The following GPD2 variants were observed in gnomAD, a reference collection of about 807,000 sequenced individuals.
The protein encoded by GPD2 is glycerol-3-phosphate dehydrogenase, mitochondrial.
In GPD2, 54 loss-of-function variants were observed where a neutral mutation model predicts 82.4. The observed-to-expected ratio is 0.66, with a 90% CI of 0.53 to 0.82. The LOEUF (loss-of-function observed/expected upper bound fraction) is 0.82. Among genes scored for constraint, GPD2 ranks in the 40% least tolerant of loss-of-function variants. The probability of loss-of-function intolerance (pLI) is 0.00; values close to 1 mark genes in which losing one functional copy is unlikely to be tolerated. For missense variants in GPD2, 748 were observed against 896.2 expected (o/e 0.83, Z 2.11); for synonymous variants, 288 against 306.1 (o/e 0.94, Z 0.62).
intron 1 of GPD2, among the ~76,000 whole-genome samples, chr2:156,457,677 A>G (rs1413418378): frequency 6.6e-6 from 1 of 152,190 alleles, no homozygotes; most frequent in Non-Finnish European, 1.5e-5. Flanking sequence ...TTCAGAACAA[A>G]GTGCTGGTTA....
chr2:156,494,400 G>C (rs1027683345), intron 2 of GPD2, among the ~76,000 whole-genome samples: 5 of 152,188 alleles, frequency 3.3e-5, no homozygotes, highest in African/African-American at 7.2e-5. Context: ...GAAGAAACCA[G>C]AGATAATGAG....
chr2:156,574,626 G>A (rs1687752309), intron 13 of GPD2, among the ~76,000 whole-genome samples: 2 of 151,880 alleles, frequency 1.3e-5, no homozygotes, highest in South Asian at 4.2e-4. Flanking sequence ...CAATGAGGAG[G>A]AAAAATGGGA....
intron 1 of GPD2, among the ~76,000 whole-genome samples, chr2:156,459,115 G>A (rs1682890066): frequency 6.6e-6 from 1 of 152,090 alleles, no homozygotes; most frequent in Admixed American, 6.5e-5. Flanking sequence ...TATCCAGAGT[G>A]TACTTAACTC....
In GPD2 at chr2:156,476,081, C is replaced by G; in HGVS notation, c.-8-17C>G. The G allele has an allele frequency of 7.5e-7, 1 of 1,332,244 alleles. No individual in the cohort carries two copies. The highest frequency in any genetic ancestry group is 1.1e-6 in the Non-Finnish European group (1 of 923,574). 82.5% of individuals were successfully genotyped at this position (1,332,244 alleles called of 1,614,324 possible). On this transcript the variant is annotated splice_polypyrimidine_tract_variant and intron_variant, in intron 1 of 16. Transcript: ENST00000438166. The stretch of plus-strand genomic sequence containing the variant: ...TATCCCAATTAACTTCTTTTTGTTT[C>G]TTATTTTTCTTTGTAGGCTAAGAAA...
intron 9 of GPD2, among the ~76,000 whole-genome samples, chr2:156,561,040 C>CT (rs35948070): frequency 0.38 from 10,282 of 27,068 alleles, 3,713 homozygotes; most frequent in South Asian, 0.45. Flanking sequence ...TGACATTAAG[C>CT]TTTTTTTTTT....
intron 1 of GPD2, among the ~76,000 whole-genome samples, chr2:156,474,951 A>G (rs1683453835): frequency 6.6e-6 from 1 of 151,258 alleles, no homozygotes. Flanking sequence ...AAAAAAAAAA[A>G]GAAGAAGAAA....
intron 8 of GPD2, among the ~76,000 whole-genome samples, chr2:156,553,561 T>C (rs1686848347): frequency 6.6e-6 from 1 of 152,120 alleles, no homozygotes; most frequent in African/African-American, 2.4e-5. Context: ...AATAGAAATA[T>C]GAAAATGAAA....
At chr2:156,482,249 G>A (rs1211701853) in intron 2 of GPD2, among the ~76,000 whole-genome samples, 1 of 152,182 alleles carries the variant, frequency 6.6e-6, no homozygotes, top group African/African-American at 2.4e-5. Context: ...TCAAAGACAG[G>A]TGTACCAACA....
intron 16 of GPD2, among the ~76,000 whole-genome samples, chr2:156,580,500 G>A (rs1489218402): frequency 6.6e-6 from 1 of 152,120 alleles, no homozygotes; most frequent in East Asian, 1.9e-4. Flanking sequence ...ATATGACTCT[G>A]ATCATATGAA....
At chr2:156,401,030 G>A in the GPD2 span, among the ~76,000 whole-genome samples, 1 of 152,196 alleles carries the variant, frequency 6.6e-6, no homozygotes, top group Non-Finnish European at 1.5e-5. Context: ...GTGAAATAGG[G>A]AATTGGCTTT....
chr2:156,552,888 T>C (rs944205790), intron 8 of GPD2, among the ~76,000 whole-genome samples: 1 of 150,332 alleles, frequency 6.7e-6, no homozygotes, highest in African/African-American at 2.5e-5. Flanking sequence ...TTCTGGTTCC[T>C]TATATCTTTT....
At chr2:156,462,453 A>AT (rs35159143) in intron 1 of GPD2, among the ~76,000 whole-genome samples, 3,183 of 118,124 alleles carry the variant, frequency 0.027, 61 homozygotes, top group African/African-American at 0.053. Flanking sequence ...ACCCGGATAC[A>AT]TTTTTTTTTT....
chr2:156,582,655 C>A, intron 16 of GPD2, 138 bp from the exon 17 acceptor site: 1 of 896,436 alleles, frequency 1.1e-6, no homozygotes, highest in South Asian at 1.3e-5. Context: ...CTCTTCTTAT[C>A]TGAGCTGTAG....
chr2:156,576,362 G>A (rs1687821292), intron 13 of GPD2, among the ~76,000 whole-genome samples: 1 of 152,060 alleles, frequency 6.6e-6, no homozygotes, highest in South Asian at 2.1e-4. Flanking sequence ...ATACAACATG[G>A]TATAGGGATT....
chr2:156,410,016 A>G, the GPD2 span, among the ~76,000 whole-genome samples: 1 of 152,236 alleles, frequency 6.6e-6, no homozygotes, highest in Non-Finnish European at 1.5e-5. Context: ...ACTGCACCCC[A>G]GCCTAGGCAA....
chr2:156,401,151 T>C, the GPD2 span, among the ~76,000 whole-genome samples: 50 of 152,328 alleles, frequency 3.3e-4, 1 homozygote, highest in Non-Finnish European at 6.5e-4. Context: ...AAAACTTGCA[T>C]TGGCCGGGAA....
chr2:156,520,086 A>G (rs1685343210), intron 6 of GPD2, among the ~76,000 whole-genome samples: 1 of 152,110 alleles, frequency 6.6e-6, no homozygotes, highest in South Asian at 2.1e-4. Context: ...ATGGAGTGGG[A>G]AGATAACCTC....
chr2:156,451,450 C>A, intron 1 of GPD2, among the ~76,000 whole-genome samples: 1 of 102,094 alleles, frequency 9.8e-6, no homozygotes, highest in African/African-American at 3.7e-5. Context: ...CCGGACGGGG[C>A]GGCTGGCCGG....
chr2:156,542,141 G>C (rs138406679), intron 6 of GPD2, among the ~76,000 whole-genome samples: 66 of 152,096 alleles, frequency 4.3e-4, no homozygotes, highest in African/African-American at 1.3e-3. Context: ...ACAATGTTTC[G>C]TTTATATGGG....
Sources: gnomAD v4.1 joint callset for allele counts (sites outside exome capture counted in the v4.1 genomes callset) on GRCh38, gnomAD v4.1.1 for gene constraint, MANE v1.5 for transcripts, NCBI Gene and HGNC (gene_info 2026-07-23, HGNC 2026-07-21) for gene names.